DNAJB2: variants seen among roughly 807,000 people sequenced by gnomAD.
DNAJB2 encodes dnaJ homolog subfamily B member 2.
Under a neutral mutation model 33.3 loss-of-function variants are expected in DNAJB2, and 19 were observed. The observed-to-expected ratio is 0.57, with a 90% CI of 0.40 to 0.84. The LOEUF (loss-of-function observed/expected upper bound fraction) is 0.84, where lower values mean the gene tolerates loss of function less well. Ranked by LOEUF, DNAJB2 falls within the 40% of genes least tolerant of loss-of-function variation. The pLI is 0.00. For synonymous variants in DNAJB2, 172 were observed against 164.6 expected, an observed-to-expected ratio of 1.04 and a Z score of -0.34; for missense variants, 368 against 430.9, an observed-to-expected ratio of 0.85 and a Z score of 1.29.
At chr2:219,282,097 T>A in intron 5 of DNAJB2, 36 bp downstream of exon 5, 1 of 1,613,770 alleles carries the variant, frequency 6.2e-7, no homozygotes, top group Non-Finnish European at 8.5e-7. Context: ...ATGGCTCAAC[T>A]TCCCCCTCCA....
At position 219,285,060 on chromosome 2, in the gene DNAJB2, A is replaced by G. The variant is rs1315980793; in HGVS notation, c.*73A>G. On this transcript the variant is annotated 3_prime_UTR_variant, in exon 9 of 9. Coordinates refer to ENST00000336576, the MANE Select transcript of DNAJB2 (RefSeq NM_006736.6). ...ACTCACTGTGGGAAGAGAAGAGGGG[A>G]GTATCCTGAGTTGTAGGAACTGCTT... The G allele has an allele frequency of 1.8e-5, 26 of 1,421,174 alleles. No homozygotes were observed. Among genetic ancestry groups the G allele is most frequent in the Non-Finnish European group, 2.1e-5 (23 of 1,080,556 alleles). 88.0% of individuals were successfully genotyped at this position (1,421,174 alleles called of 1,614,324 possible).
At chr2:219,282,169 C>A in intron 5 of DNAJB2, 108 bp downstream of exon 5, 1 of 1,585,824 alleles carries the variant, frequency 6.3e-7, no homozygotes, top group Non-Finnish European at 8.6e-7. Context: ...ACGGGAATGC[C>A]ACGGACAGAA....
At position 219,279,653 on chromosome 2, in the gene DNAJB2, G is replaced by C; in HGVS notation, c.-37+135G>C. 9.5e-6 allele frequency: 6 copies of C among 630,950 alleles called. No individual in the cohort carries two copies. In the South Asian group the frequency reaches 9.7e-5, roughly 10 times the overall value. 39.1% of individuals were successfully genotyped at this position (630,950 alleles called of 1,614,324 possible). ...CCTGCGGGGGCAGATAAGGCTGCCGGAGGGAGCCTAGTCACCGGCCGCAAG... is the reference window on the plus strand; with the variant it reads ...CCTGCGGGGGCAGATAAGGCTGCCGCAGGGAGCCTAGTCACCGGCCGCAAG... On this transcript the variant is annotated intron_variant, in intron 1 of 8. Coordinates refer to ENST00000336576, the MANE Select transcript of DNAJB2 (RefSeq NM_006736.6). The surrounding 1 kb of genome is among the most constrained non-coding windows in gnomAD (Gnocchi z 4.9).
intron 8 of DNAJB2, 47 bp downstream of exon 8, chr2:219,283,536 C>T (rs1462046954): frequency 6.4e-7 from 1 of 1,573,724 alleles, no homozygotes; most frequent in African/African-American, 1.4e-5. Flanking sequence ...AGCCCCAGCC[C>T]CAACCTCAGC....
Position 219,283,443 on chromosome 2 carries a change from G to A in DNAJB2, c.573G>A (p.Arg191=), listed in dbSNP as rs1411530263. The change falls in exon 8 of 9, where the codon CGG becomes CGA. Residue 191 remains arginine (R), a synonymous_variant. Coordinates refer to ENST00000336576, the MANE Select transcript of DNAJB2 (RefSeq NM_006736.6). ...GAATCATGGAGAACGGGCAGGAGCGGGTGGAAGTGGAGGAGGATGGGCAGC... is the reference window on the plus strand; with the variant it reads ...GAATCATGGAGAACGGGCAGGAGCGAGTGGAAGTGGAGGAGGATGGGCAGC... ...TRRIMENGQE[R]VEVEEDGQLK... 3.1e-6 allele frequency: 5 copies of A among 1,614,146 alleles called. No individual in the cohort carries two copies. The highest frequency in any genetic ancestry group is 1.3e-5 in the African/African-American group (1 of 75,060).
At position 219,280,619 on chromosome 2, in the gene DNAJB2, CA is replaced by C; in HGVS notation, c.108del (p.Asp37IlefsTer37). The C allele has an allele frequency of 6.2e-7, 1 of 1,614,118 alleles. No individual in the cohort carries two copies. Among genetic ancestry groups the C allele is most frequent in the Non-Finnish European group, 8.5e-7 (1 of 1,180,014 alleles). On this transcript the variant is annotated frameshift_variant, in exon 3 of 9. Transcript: ENST00000336576. LOFTEE classifies it high-confidence loss of function. The stretch of plus-strand genomic sequence containing the variant: ...CTCCAGTGGCACCCAGACAAAAACC[CA>C]GATAATAAAGAGTTTGCTGAGAAGA... Reference protein sequence around the residue: ...KALQWHPDKNPDNKEFAEKKF... With the variant: ...KALQWHPDKNXDNKEFAEKKF...
chr2:219,283,731 A>T (rs188201043), intron 8 of DNAJB2, among the ~76,000 whole-genome samples: 58 of 152,296 alleles, frequency 3.8e-4, no homozygotes, highest in Non-Finnish European at 5.4e-4. Context: ...TTTTTAAAGC[A>T]CTTCCAGATA....
chr2:219,279,677 A>G lies in DNAJB2; in HGVS notation c.-36-121A>G, dbSNP rs1227950395. On this transcript the variant is annotated intron_variant, in intron 1 of 8. Coordinates refer to ENST00000336576, the MANE Select transcript of DNAJB2 (RefSeq NM_006736.6). The surrounding 1 kb of genome is among the most constrained non-coding windows in gnomAD (Gnocchi z 4.9). ...GGAGGGAGCCTAGTCACCGGCCGCA[A>G]GCAGAGCCCGGTGTGCTCCGCTTCC... is the stretch of plus-strand genomic sequence containing the variant. 5.5e-6 allele frequency: 4 copies of G among 728,070 alleles called. No homozygotes were observed. The highest frequency in any genetic ancestry group is 5.6e-5 in the Admixed American group (2 of 35,802). The allele number at this position is 728,070 out of a possible 1,614,324, so 45.1% of individuals were successfully genotyped here. A position where few individuals can be genotyped will look rare whatever the true frequency, so the allele number is the denominator to read the frequency against.
intron 4 of DNAJB2, 36 bp downstream of exon 4, chr2:219,281,807 G>A: frequency 6.2e-7 from 1 of 1,613,860 alleles, no homozygotes; most frequent in Non-Finnish European, 8.5e-7. Flanking sequence ...ATGGAGGTGG[G>A]GCAGGGAGGA....
chr2:219,279,641 A>T lies in DNAJB2; in HGVS notation c.-37+123A>T. 1.6e-6 allele frequency: 1 copy of T among 615,120 alleles called. No homozygotes were observed. Among genetic ancestry groups the T allele is most frequent in the East Asian group, 2.9e-5 (1 of 34,866 alleles). 38.1% of individuals were successfully genotyped at this position (615,120 alleles called of 1,614,324 possible). Reference sequence around the variant, plus strand: ...TCTTGGCCCCGGCCTGCGGGGGCAGATAAGGCTGCCGGAGGGAGCCTAGTC... The same window carrying T: ...TCTTGGCCCCGGCCTGCGGGGGCAGTTAAGGCTGCCGGAGGGAGCCTAGTC... On this transcript the variant is annotated intron_variant, in intron 1 of 8. Coordinates refer to ENST00000336576, the MANE Select transcript of DNAJB2 (RefSeq NM_006736.6). This position sits in a 1 kb window ranked among gnomAD's most constrained non-coding sequence, Gnocchi z 4.9.
chr2:219,286,233 G>A lies in DNAJB2; in HGVS notation c.*1246G>A, dbSNP rs1040233520. On this transcript the variant is annotated 3_prime_UTR_variant, in exon 9 of 9. Coordinates refer to ENST00000336576, the MANE Select transcript of DNAJB2 (RefSeq NM_006736.6). ...ACAAATCCCAGAGTGCGGTGTGCCC[G>A]GCCTCATTTCTGATAGATCCCGCTT... The A allele has an allele frequency of 5.2e-5, 28 of 533,804 alleles. No homozygotes were observed. Among genetic ancestry groups the A allele is most frequent in the Non-Finnish European group, 7.6e-5 (23 of 303,156 alleles). The allele number at this position is 533,804 out of a possible 1,614,324, so 33.1% of individuals were successfully genotyped here. A position where few individuals can be genotyped will look rare whatever the true frequency, so the allele number is the denominator to read the frequency against.
chr2:219,285,869 A>C lies in DNAJB2; in HGVS notation c.*882A>C. 1 of 1,513,610 alleles carries C rather than the reference A, an allele frequency of 6.6e-7. No homozygotes were observed. The highest frequency in any genetic ancestry group is 1.3e-5 in the South Asian group (1 of 79,306). The allele number at this position is 1,513,610 out of a possible 1,614,324, so 93.8% of individuals were successfully genotyped here. ...ACTGCACCCATACTGCTTCCCTACC[A>C]CAAATCAGGGCTCAGGGAGAGGCCA... On this transcript the variant is annotated 3_prime_UTR_variant, in exon 9 of 9. Coordinates refer to ENST00000336576, the MANE Select transcript of DNAJB2 (RefSeq NM_006736.6).
Position 219,279,896 on chromosome 2 carries a change from G to C in DNAJB2, c.63G>C (p.Lys21Asn). 1 of 1,613,904 alleles carries C rather than the reference G, an allele frequency of 6.2e-7. No individual in the cohort carries two copies. The highest frequency in any genetic ancestry group is 1.7e-4 in the Middle Eastern group (1 of 6,058). Reference sequence around the variant, plus strand: ...GTGCGTCCGCTGATGACATCAAGAAGGCGTAAGTGCCTCCGTATGCAACAG... The same window carrying C: ...GTGCGTCCGCTGATGACATCAAGAACGCGTAAGTGCCTCCGTATGCAACAG... ...PRSASADDIK[K>N]AYRRKALQWH... The change falls in exon 2 of 9, where the codon AAG becomes AAC. Residue 21 changes from lysine to asparagine, a missense_variant and splice_region_variant. Lys to Asn is a moderately conservative substitution (Grantham distance 94). Coordinates refer to ENST00000336576, the MANE Select transcript of DNAJB2 (RefSeq NM_006736.6). The surrounding 1 kb of genome is among the most constrained non-coding windows in gnomAD (Gnocchi z 4.9).
rs558303473 is a variant in DNAJB2 at position 219,285,027 on chromosome 2, G to A, written c.*40G>A. The A allele has an allele frequency of 9.0e-6, 13 of 1,448,548 alleles. No homozygotes were observed. The East Asian group carries it at 9.8e-5, about 11-fold the overall frequency. 89.7% of individuals were successfully genotyped at this position (1,448,548 alleles called of 1,614,324 possible). ...CTGATCTGATCCAGATCTTGACTGG[G>A]GGGTCTGACTCACTGTGGGAAGAGA... On this transcript the variant is annotated 3_prime_UTR_variant, in exon 9 of 9. Coordinates refer to ENST00000336576, the MANE Select transcript of DNAJB2 (RefSeq NM_006736.6).
Position 219,280,581 on chromosome 2 carries a change from TCGGCGCAAGGCTCTC to T in DNAJB2, c.71_85del (p.Arg24_Leu28del). ...CCTCTGCACCCACTTTCTGCAGGTATCGGCGCAAGGCTCTCCAGTGGCACCCAGACAAAAACCCAG... is the reference window on the plus strand; with the variant it reads ...CCTCTGCACCCACTTTCTGCAGGTATCAGTGGCACCCAGACAAAAACCCAG... On this transcript the variant is annotated inframe_deletion, in exon 3 of 9. Transcript: ENST00000336576. The T allele has an allele frequency of 6.2e-7, 1 of 1,613,814 alleles. No homozygotes were observed. The highest frequency in any genetic ancestry group is 1.7e-4 in the Middle Eastern group (1 of 6,058).
At chr2:219,281,613 G>A (rs1475085923) in intron 3 of DNAJB2, 105 bp from the exon 4 acceptor site, 65 of 1,501,702 alleles carry the variant, frequency 4.3e-5, no homozygotes, top group Non-Finnish European at 5.7e-5. Context: ...GCTTTCCCCC[G>A]CCAAGTGTCA....
At chr2:219,284,061 C>T (rs533618222) in intron 8 of DNAJB2, among the ~76,000 whole-genome samples, 2 of 152,306 alleles carry the variant, frequency 1.3e-5, no homozygotes, top group South Asian at 4.1e-4. Flanking sequence ...ATCATTGGAA[C>T]AATTTGAGTA....
chr2:219,286,303 G>T lies in DNAJB2; in HGVS notation c.*1316G>T. The T allele has an allele frequency of 2.6e-6, 1 of 382,276 alleles. No individual in the cohort carries two copies. The highest frequency in any genetic ancestry group is 4.8e-6 in the Non-Finnish European group (1 of 207,880). 23.7% of individuals were successfully genotyped at this position (382,276 alleles called of 1,614,324 possible). On this transcript the variant is annotated 3_prime_UTR_variant, in exon 9 of 9. Coordinates refer to ENST00000336576, the MANE Select transcript of DNAJB2 (RefSeq NM_006736.6). ...TACGGAGCTGTGCATCTTGGGACAT[G>T]TAGTAGCCCAGGTCGGCTTGTCACT...
At position 219,281,977 on chromosome 2, in the gene DNAJB2, C is replaced by T; in HGVS notation, c.268C>T (p.Pro90Ser). 6.2e-7 allele frequency: 1 copy of T among 1,614,198 alleles called. No individual in the cohort carries two copies. Among genetic ancestry groups the T allele is most frequent in the South Asian group, 1.1e-5 (1 of 91,086 alleles). ...PSRAEAGSGG[P>S]GFTFTFRSPE... Reference sequence around the variant, plus strand: ...TCGGGCAGAAGCTGGCAGTGGTGGGCCTGGCTTCACCTTCACCTTCCGCAG... The same window carrying T: ...TCGGGCAGAAGCTGGCAGTGGTGGGTCTGGCTTCACCTTCACCTTCCGCAG... Residue 90 changes from proline to serine, a missense_variant, in exon 5 of 9, where the codon CCT becomes TCT. By Grantham distance (74) the Pro-to-Ser change is moderately conservative. Coordinates refer to ENST00000336576, the MANE Select transcript of DNAJB2 (RefSeq NM_006736.6).
Sources: allele counts gnomAD v4.1 joint callset (sites outside exome capture counted in the v4.1 genomes callset), GRCh38; gene constraint gnomAD v4.1.1; non-coding constraint Gnocchi (gnomAD v3.1); transcripts MANE v1.5; gene names NCBI Gene and HGNC (gene_info 2026-07-23, HGNC 2026-07-21).